The following ZNF10 variants were observed in gnomAD, a reference collection of about 807,000 sequenced individuals.
ZNF10 encodes the protein zinc finger protein 10 (KOX 1).
ZNF10 carries 8 observed loss-of-function variants against 12.2 expected under a neutral mutation model. That is an observed-to-expected ratio of 0.66 (90% CI 0.39 to 1.18). The LOEUF is 1.18. Ranked by LOEUF, ZNF10 falls within the 50% of genes most tolerant of loss-of-function variation. ZNF10 has a pLI of 0.01. For missense variants in ZNF10, 603 were observed against 678.9 expected (o/e 0.89, Z 1.24); for synonymous variants, 229 against 228.2 (o/e 1.00, Z -0.03).
chr12:133,137,752 A>T (rs61951786), intron 1 of ZNF10, among the ~76,000 whole-genome samples: 5 of 152,050 alleles, frequency 3.3e-5, no homozygotes, highest in Admixed American at 1.3e-4. Context: ...AGCTAGGAAT[A>T]TAAGTGTTCG....
intron 4 of ZNF10, among the ~76,000 whole-genome samples, chr12:133,154,072 T>C: frequency 6.7e-6 from 1 of 150,330 alleles, no homozygotes. Flanking sequence ...AATATGGTCA[T>C]ATTCTGAGAT....
intron 4 of ZNF10, among the ~76,000 whole-genome samples, chr12:133,154,267 T>C (rs939305023): frequency 5.9e-5 from 9 of 152,150 alleles, no homozygotes; most frequent in African/African-American, 2.2e-4. Context: ...AAAGCTCTTA[T>C]TCAAGAGAAA....
At chr12:133,132,557 G>A (rs1331816562) in intron 1 of ZNF10, among the ~76,000 whole-genome samples, 1 of 150,716 alleles carries the variant, frequency 6.6e-6, no homozygotes, top group African/African-American at 2.4e-5. Flanking sequence ...ATTTCTTATT[G>A]TTAATATCTC....
At chr12:133,139,596 G>A (rs1955932634) in intron 1 of ZNF10, among the ~76,000 whole-genome samples, 2 of 152,150 alleles carry the variant, frequency 1.3e-5, no homozygotes, top group South Asian at 4.1e-4. Flanking sequence ...GAGTGAGAGA[G>A]ACCAAAGGCA....
chr12:133,135,970 C>T (rs1336435154), intron 1 of ZNF10, among the ~76,000 whole-genome samples: 2 of 152,200 alleles, frequency 1.3e-5, no homozygotes, highest in East Asian at 1.9e-4. Context: ...ACTGCATGGC[C>T]CAAACCTTTA....
At chr12:133,131,215 T>A (rs1306698262) in intron 1 of ZNF10, among the ~76,000 whole-genome samples, 1 of 151,992 alleles carries the variant, frequency 6.6e-6, no homozygotes, top group Non-Finnish European at 1.5e-5. Context: ...TCATCTTTGT[T>A]TTGTTTTTTA....
intron 1 of ZNF10, among the ~76,000 whole-genome samples, chr12:133,134,153 A>T (rs1048054560): frequency 1.3e-5 from 2 of 151,468 alleles, no homozygotes; most frequent in Non-Finnish European, 1.5e-5. Flanking sequence ...ACAAAAAAAA[A>T]AAAAAAAAAA....
At chr12:133,136,749 C>T (rs777908168) in intron 1 of ZNF10, among the ~76,000 whole-genome samples, 3 of 152,106 alleles carry the variant, frequency 2.0e-5, no homozygotes, top group African/African-American at 4.8e-5. Context: ...TTTACTTCAC[C>T]TATATCTTAT....
rs777865931 is a variant in ZNF10, at chr12:133,156,340, T to A, written c.1094T>A (p.Ile365Asn). ...GKSFVHSSRL[I>N]RHQRTHTGEK... ...TCTTTTGTTCATAGCTCTAGGCTTATTAGACACCAGAGGACACATACTGGA... is the reference window on the plus strand; with the variant it reads ...TCTTTTGTTCATAGCTCTAGGCTTAATAGACACCAGAGGACACATACTGGA... The change falls in exon 5 of 5, where the codon ATT (isoleucine) becomes AAT (asparagine). Residue 365 changes from isoleucine to asparagine, a missense_variant. Around this residue, in one of 3 missense-constraint regions of ZNF10, gnomAD observed 204 missense variants for 262.8 expected, o/e 0.78. Coordinates refer to ENST00000248211, the MANE Select transcript of ZNF10 (RefSeq NM_015394.5). 3 of 1,614,026 alleles carry A rather than the reference T, an allele frequency of 1.9e-6. No individual in the cohort carries two copies. The Admixed American group carries it at 5.0e-5, about 27-fold the overall frequency.
chr12:133,143,139 C>T (rs1446408660), intron 1 of ZNF10, among the ~76,000 whole-genome samples: 1 of 152,002 alleles, frequency 6.6e-6, no homozygotes, highest in Non-Finnish European at 1.5e-5. Flanking sequence ...GTAGAACAGG[C>T]AAATTCATAG....
At position 133,155,548 on chromosome 12, in the gene ZNF10, G is replaced by A. The variant is rs1308149329; in HGVS notation, c.302G>A (p.Ser101Asn). 3.1e-6 allele frequency: 5 copies of A among 1,599,274 alleles called. No homozygotes were observed. The highest frequency in any genetic ancestry group is 4.3e-6 in the Non-Finnish European group (5 of 1,176,044). ...FEIKSSVSSRSIFKDKQSCDI... is the reference protein window; with the variant it reads ...FEIKSSVSSRNIFKDKQSCDI... ...ATCAAATCATCAGTTTCCAGCAGGA[G>A]CATTTTTAAAGATAAGCAATCCTGT... The change falls in exon 5 of 5, where the codon AGC becomes AAC. Residue 101 changes from serine to asparagine, a missense_variant. By Grantham distance (46) the Ser-to-Asn change is conservative. Around this residue, in one of 3 missense-constraint regions of ZNF10, gnomAD observed 393 missense variants for 399.7 expected, o/e 0.98. Coordinates refer to ENST00000248211, the MANE Select transcript of ZNF10 (RefSeq NM_015394.5).
intron 1 of ZNF10, among the ~76,000 whole-genome samples, chr12:133,134,290 G>A (rs1031862141): frequency 1.3e-5 from 2 of 151,874 alleles, no homozygotes; most frequent in Non-Finnish European, 2.9e-5. Flanking sequence ...TCCAGCCTGG[G>A]CAACAGAGCA....
chr12:133,136,378 A>G (rs1955911738), intron 1 of ZNF10, among the ~76,000 whole-genome samples: 1 of 152,182 alleles, frequency 6.6e-6, no homozygotes, highest in Non-Finnish European at 1.5e-5. Flanking sequence ...TCCTCAAATT[A>G]TTAGTGAAGG....
Position 133,157,527 on chromosome 12 carries a change from C to T in ZNF10, c.*559C>T, listed in dbSNP as rs2292029. 0.18 allele frequency: 27,927 copies of T among 152,124 alleles called. 3,282 individuals carry two copies. Among genetic ancestry groups the T allele is most frequent in the Non-Finnish European group, 0.26 (17,644 of 67,972 alleles). The allele number at this position is 152,124 out of a possible 1,614,324, so 9.4% of individuals were successfully genotyped here. On this transcript the variant is annotated 3_prime_UTR_variant, in exon 5 of 5. Coordinates refer to ENST00000248211, the MANE Select transcript of ZNF10 (RefSeq NM_015394.5). ...AGTACAATTAAAAACAACACATCTC[C>T]ACTACCAGTGCTAACCCATTTTTAA...
intron 2 of ZNF10, among the ~76,000 whole-genome samples, chr12:133,147,033 T>A (rs1416764260): frequency 1.3e-5 from 2 of 152,184 alleles, no homozygotes; most frequent in Non-Finnish European, 2.9e-5. Context: ...CTAGCTCCTT[T>A]CATATAGCAT....
intron 4 of ZNF10, among the ~76,000 whole-genome samples, chr12:133,152,903 C>T (rs1042831433): frequency 2.0e-5 from 3 of 152,132 alleles, no homozygotes; most frequent in African/African-American, 7.2e-5. Flanking sequence ...TGAACTTCCA[C>T]TTAGTTTAAA....
At chr12:133,142,676 TAAAA>T (rs933757486) in intron 1 of ZNF10, among the ~76,000 whole-genome samples, 1 of 151,166 alleles carries the variant, frequency 6.6e-6, no homozygotes, top group Non-Finnish European at 1.5e-5. Flanking sequence ...TGGCTGTAAT[TAAAA>T]AAAAATAGAA....
At chr12:133,133,756 G>A (rs1354787168) in intron 1 of ZNF10, among the ~76,000 whole-genome samples, 1 of 152,166 alleles carries the variant, frequency 6.6e-6, no homozygotes, top group Admixed American at 6.5e-5. Context: ...CTTTGGAACT[G>A]CGTGTGCCTC....
chr12:133,145,169 C>T (rs1339253973), intron 2 of ZNF10, among the ~76,000 whole-genome samples: 1 of 152,164 alleles, frequency 6.6e-6, no homozygotes, highest in African/African-American at 2.4e-5. Flanking sequence ...TGAGCTACCC[C>T]GCCCGGCCAA....
Sources: gnomAD v4.1 joint callset for allele counts (sites outside exome capture counted in the v4.1 genomes callset) on GRCh38, gnomAD v4.1.1 for gene constraint, gnomAD v4.1.1 regional missense constraint, MANE v1.5 for transcripts, NCBI Gene and HGNC (gene_info 2026-07-23, HGNC 2026-07-21) for gene names.